Variants in IQCM observed in about 807,000 individuals in gnomAD.
The protein encoded by IQCM is IQ motif containing M.
IQCM carries 45 observed loss-of-function variants against 57.6 expected under a neutral mutation model. The ratio of observed to expected loss-of-function variants is 0.78; its 90% CI spans 0.62 to 1.00. IQCM has a LOEUF of 1.00. Among genes scored for constraint, IQCM ranks in the 50% least tolerant of loss-of-function variants. The probability of loss-of-function intolerance (pLI) is 0.00; values close to 1 mark genes in which losing one functional copy is unlikely to be tolerated. For missense variants in IQCM, 468 were observed against 511.6 expected (o/e 0.91, Z 0.82); for synonymous variants, 148 against 158.9 (o/e 0.93, Z 0.51).
In IQCM at chr4:149,593,914, TTC is replaced by T. The variant is rs370593709; in HGVS notation, c.682-5919_682-5918del. On this transcript the variant is annotated intron_variant, in intron 8 of 13. Coordinates refer to ENST00000636793, the MANE Select transcript of IQCM (RefSeq NM_001363507.2). ...GTTCATCAGAGACATTGGTCTAAAA[TTC>T]TCTTTTTTTGTTGTGTCTCTGCCAG... is the stretch of plus-strand genomic sequence containing the variant. Among the ~76,000 whole-genome samples the T allele has an allele frequency of 3.1e-4, 47 of 152,234 alleles. No homozygotes were observed. In the East Asian group the frequency reaches 8.9e-3, roughly 29 times the overall value.
intron 12 of IQCM, among the ~76,000 whole-genome samples, chr4:149,455,107 T>C (rs1412305587): frequency 1.3e-5 from 2 of 152,032 alleles, no homozygotes; most frequent in Non-Finnish European, 2.9e-5. Context: ...TGGGGTTACA[T>C]CCTGAAAAAC....
intron 2 of IQCM, among the ~76,000 whole-genome samples, chr4:149,792,427 G>C (rs1354913761): frequency 6.6e-6 from 1 of 152,002 alleles, no homozygotes; most frequent in Non-Finnish European, 1.5e-5. Flanking sequence ...TTTCAGGCAG[G>C]AGCACTTTAT....
intron 13 of IQCM, among the ~76,000 whole-genome samples, chr4:149,389,551 C>A (rs574131165): frequency 2.0e-5 from 3 of 151,798 alleles, no homozygotes; most frequent in Admixed American, 1.3e-4. Flanking sequence ...AGTTCATATC[C>A]TTTGTAGGGA....
chr4:149,533,751 C>T (rs1746990497), intron 12 of IQCM, among the ~76,000 whole-genome samples: 1 of 151,998 alleles, frequency 6.6e-6, no homozygotes, highest in Non-Finnish European at 1.5e-5. Flanking sequence ...GAGGTAAATG[C>T]CCCCATGATT....
At chr4:149,412,462 A>G (rs1036792253) in intron 13 of IQCM, among the ~76,000 whole-genome samples, 3 of 152,112 alleles carry the variant, frequency 2.0e-5, no homozygotes, top group Non-Finnish European at 4.4e-5. Flanking sequence ...ATTTCAAACC[A>G]TATATTTGTT....
intron 3 of IQCM, among the ~76,000 whole-genome samples, chr4:149,741,215 GTT>G (rs1196799554): frequency 3.3e-5 from 5 of 152,098 alleles, no homozygotes; most frequent in Admixed American, 2.6e-4. Flanking sequence ...ACTCTGTTGA[GTT>G]GTCTCTTACT....
intron 9 of IQCM, among the ~76,000 whole-genome samples, chr4:149,573,817 T>G (rs1417474488): frequency 6.6e-6 from 1 of 151,900 alleles, no homozygotes; most frequent in East Asian, 1.9e-4. Flanking sequence ...GTTGGATGAT[T>G]ATTATTCTGA....
intron 5 of IQCM, among the ~76,000 whole-genome samples, chr4:149,719,021 T>C (rs560541644): frequency 2.6e-5 from 4 of 152,296 alleles, no homozygotes; most frequent in Admixed American, 2.6e-4. Flanking sequence ...ACACCTGAAG[T>C]GAAATTTTTC....
chr4:149,477,202 A>G (rs1740294723), intron 12 of IQCM, among the ~76,000 whole-genome samples: 1 of 152,200 alleles, frequency 6.6e-6, no homozygotes, highest in African/African-American at 2.4e-5. Context: ...CCTTCCTGCC[A>G]CCTTTGATAA....
intron 5 of IQCM, among the ~76,000 whole-genome samples, chr4:149,718,106 A>C (rs2149846508): frequency 6.6e-6 from 1 of 152,326 alleles, no homozygotes; most frequent in Admixed American, 6.5e-5. Flanking sequence ...TGGAAGGGTA[A>C]GTTTAATCCT....
chr4:149,392,668 T>A (rs1480835614), intron 13 of IQCM, among the ~76,000 whole-genome samples: 1 of 151,774 alleles, frequency 6.6e-6, no homozygotes, highest in Non-Finnish European at 1.5e-5. Context: ...ATGCAAGGAG[T>A]GTCCCAGAAG....
At chr4:149,664,087 C>T (rs1760471703) in intron 7 of IQCM, among the ~76,000 whole-genome samples, 1 of 152,032 alleles carries the variant, frequency 6.6e-6, no homozygotes, top group Non-Finnish European at 1.5e-5. Context: ...TGTTGAAGCC[C>T]TCAATGGTAT....
chr4:149,460,400 A>G (rs898627444), intron 12 of IQCM, among the ~76,000 whole-genome samples: 2 of 152,198 alleles, frequency 1.3e-5, no homozygotes, highest in Non-Finnish European at 2.9e-5. Flanking sequence ...TACCCATTAA[A>G]AAATTTCATA....
intron 7 of IQCM, among the ~76,000 whole-genome samples, chr4:149,639,086 G>A (rs1404195652): frequency 2.0e-5 from 3 of 152,202 alleles, no homozygotes; most frequent in Admixed American, 6.5e-5. Context: ...TGAAAGGCAC[G>A]TTTGAGATCT....
intron 10 of IQCM, among the ~76,000 whole-genome samples, chr4:149,559,404 C>A (rs532245036): frequency 6.6e-6 from 1 of 152,272 alleles, no homozygotes; most frequent in East Asian, 1.9e-4. Flanking sequence ...TATGCCCCAG[C>A]CCCTTAAATG....
chr4:149,672,401 A>G (rs967128541), intron 7 of IQCM, among the ~76,000 whole-genome samples: 5 of 152,218 alleles, frequency 3.3e-5, no homozygotes, highest in Non-Finnish European at 7.3e-5. Flanking sequence ...CAAGAGGCTA[A>G]CTAGAAGAAA....
chr4:149,763,699 G>A (rs963089774), intron 2 of IQCM, among the ~76,000 whole-genome samples: 5 of 152,116 alleles, frequency 3.3e-5, no homozygotes, highest in East Asian at 3.9e-4. Context: ...TGCTCAAGGC[G>A]GAAGAGCTAC....
chr4:149,470,656 C>A (rs1396020012), intron 12 of IQCM, among the ~76,000 whole-genome samples: 2 of 152,158 alleles, frequency 1.3e-5, no homozygotes, highest in African/African-American at 4.8e-5. Context: ...CCACCACAAA[C>A]CAACAGAATA....
intron 2 of IQCM, among the ~76,000 whole-genome samples, chr4:149,806,746 G>T (rs1007800786): frequency 7.9e-5 from 12 of 151,942 alleles, no homozygotes; most frequent in African/African-American, 2.6e-4. Flanking sequence ...TGCAATTTTT[G>T]AAAACAAGCT....
Sources: allele counts gnomAD v4.1 joint callset (sites outside exome capture counted in the v4.1 genomes callset), GRCh38; gene constraint gnomAD v4.1.1; transcripts MANE v1.5; gene names NCBI Gene and HGNC (gene_info 2026-07-23, HGNC 2026-07-21).